Variants in HOXC4 observed in about 807,000 individuals in gnomAD.
The protein encoded by HOXC4 is homeobox protein Hox-C4.
A neutral mutation model predicts 25.5 loss-of-function variants in HOXC4; 15 were observed. That is an observed-to-expected ratio of 0.59 (90% CI 0.39 to 0.91). The LOEUF (loss-of-function observed/expected upper bound fraction) is 0.91. Among genes scored for constraint, HOXC4 ranks in the 40% least tolerant of loss-of-function variants. The probability of loss-of-function intolerance (pLI) is 0.00; values close to 1 mark genes in which losing one functional copy is unlikely to be tolerated. For missense variants in HOXC4, 342 were observed against 352.4 expected (o/e 0.97, Z 0.24); for synonymous variants, 165 against 148.0 (o/e 1.11, Z -0.83).
chr12:54,034,630 C>T, intron 1 of HOXC4: 1 of 719,566 alleles, frequency 1.4e-6, no homozygotes, highest in Non-Finnish European at 2.3e-6. Flanking sequence ...CAGACAAAAG[C>T]GCTTTTCCTT....
intron 1 of HOXC4, among the ~76,000 whole-genome samples, chr12:54,036,020 C>T (rs1192926797): frequency 6.6e-6 from 1 of 152,066 alleles, no homozygotes; most frequent in Non-Finnish European, 1.5e-5. Context: ...GGACAATTAA[C>T]TGGGAAAGGA....
intron 1 of HOXC4, chr12:54,020,973 T>G (rs889150149): frequency 6.6e-6 from 1 of 152,272 alleles, no homozygotes; most frequent in African/African-American, 2.4e-5. Flanking sequence ...TCTGCGGGAT[T>G]CTTTTCACGG....
intron 1 of HOXC4, among the ~76,000 whole-genome samples, chr12:54,036,626 C>T (rs1028121877): frequency 2.0e-4 from 31 of 152,198 alleles, no homozygotes; most frequent in Middle Eastern, 3.2e-3. Flanking sequence ...CAGGTTAGGG[C>T]GCCTGTTGTC....
At position 54,033,440 on chromosome 12, in the gene HOXC4, G is replaced by A. The variant is rs376224435; in HGVS notation, c.-124+16026G>A. 2.5e-6 allele frequency: 4 copies of A among 1,600,932 alleles called. No homozygotes were observed. In the African/African-American group the frequency reaches 4.0e-5, roughly 16 times the overall value. On this transcript the variant is annotated intron_variant, in intron 1 of 3. Coordinates refer to the HOXC4 transcript ENST00000303406. ...TGTACAGTCAGAAGGCGGCTCGCCC[G>A]GCGCTGGAGGAGCGAGCTAAGAGCA... is the stretch of plus-strand genomic sequence containing the variant.
intron 1 of HOXC4, among the ~76,000 whole-genome samples, chr12:54,041,953 G>A (rs553734638): frequency 2.7e-5 from 4 of 150,376 alleles, no homozygotes; most frequent in South Asian, 2.1e-4. Flanking sequence ...GTGAACCACC[G>A]CGCCCAGCCT....
intron 1 of HOXC4, among the ~76,000 whole-genome samples, chr12:54,036,675 GCTCTCTCTCT>G (rs34092231): frequency 1.3e-5 from 2 of 150,400 alleles, no homozygotes. Context: ...CCAGACCAGT[GCTCTCTCTCT>G]CTCTCTCTGA....
At chr12:54,045,929 A>C (rs1475734195) in intron 1 of HOXC4, among the ~76,000 whole-genome samples, 1 of 151,976 alleles carries the variant, frequency 6.6e-6, no homozygotes, top group Non-Finnish European at 1.5e-5. Flanking sequence ...GAAGCTCCCT[A>C]CCTCTCAAGG....
chr12:54,042,805 C>G (rs1941295835), intron 1 of HOXC4, among the ~76,000 whole-genome samples: 1 of 152,216 alleles, frequency 6.6e-6, no homozygotes, highest in South Asian at 2.1e-4. Context: ...CACATCCTTT[C>G]CTACCCCTCC....
upstream of HOXC4, among the ~76,000 whole-genome samples, chr12:54,051,560 A>G (rs558340572): frequency 6.6e-6 from 1 of 152,316 alleles, no homozygotes; most frequent in African/African-American, 2.4e-5. Flanking sequence ...AAGAGTGGGC[A>G]AGGGTTCTCA....
upstream of HOXC4, among the ~76,000 whole-genome samples, chr12:54,049,604 G>A (rs1342568317): frequency 1.3e-5 from 2 of 151,572 alleles, no homozygotes; most frequent in African/African-American, 4.9e-5. Flanking sequence ...GTATTTTCTG[G>A]TGACACATCC....
At chr12:54,033,118 C>T in intron 1 of HOXC4, 1 of 1,594,552 alleles carries the variant, frequency 6.3e-7, no homozygotes, top group Non-Finnish European at 8.6e-7. Flanking sequence ...TGGGCCCTCC[C>T]CGCCATGAGC....
chr12:54,039,365 A>G (rs1941234846), intron 1 of HOXC4, among the ~76,000 whole-genome samples: 1 of 152,128 alleles, frequency 6.6e-6, no homozygotes, highest in Non-Finnish European at 1.5e-5. Context: ...GGAAGGGGGC[A>G]CAGAGGCCCA....
At chr12:54,019,107 C>G (rs1383107895) in intron 1 of HOXC4, among the ~76,000 whole-genome samples, 1 of 137,528 alleles carries the variant, frequency 7.3e-6, no homozygotes, top group Non-Finnish European at 1.5e-5. Context: ...ATTCCCCTTT[C>G]GCAGCCATCA....
At chr12:54,021,528 A>G (rs1940436966) in intron 1 of HOXC4, 1 of 152,204 alleles carries the variant, frequency 6.6e-6, no homozygotes, top group African/African-American at 2.4e-5. Context: ...GGAAAACCCC[A>G]TAAAAGAAAG....
chr12:54,020,097 A>G (rs1352582963), intron 1 of HOXC4: 1 of 152,278 alleles, frequency 6.6e-6, no homozygotes, highest in East Asian at 1.9e-4. Context: ...CAGAAGCACA[A>G]GAGGACCCAC....
intron 1 of HOXC4, 127 bp from the exon 2 acceptor site, chr12:54,054,723 T>A: frequency 1.5e-6 from 1 of 656,766 alleles, no homozygotes; most frequent in Non-Finnish European, 2.7e-6. Flanking sequence ...TATAACCCAT[T>A]TAAGCTTGAT....
At chr12:54,023,032 C>T (rs966040168) in intron 1 of HOXC4, among the ~76,000 whole-genome samples, 1 of 152,188 alleles carries the variant, frequency 6.6e-6, no homozygotes, top group African/African-American at 2.4e-5. Flanking sequence ...CTGGGCCAAG[C>T]AGGGCCACTT....
rs928884229 is a variant in HOXC4, at chr12:54,054,094, C to T, written c.172C>T (p.Pro58Ser). The stretch of plus-strand genomic sequence containing the variant: ...CCAGGAGCTGTACCCACCACCGCCT[C>T]CGCGCCCTAGCTACCCTGAGCGCCA... Reference protein sequence around the residue: ...HHQELYPPPPPRPSYPERQYS... With the variant: ...HHQELYPPPPSRPSYPERQYS... Residue 58 changes from proline to serine, a missense_variant, in exon 1 of 2, where the codon CCG becomes TCG. Pro to Ser is a moderately conservative substitution (Grantham distance 74). Coordinates refer to ENST00000430889, the MANE Select transcript of HOXC4 (RefSeq NM_153633.3). The T allele has an allele frequency of 6.8e-6, 11 of 1,614,120 alleles. No individual in the cohort carries two copies. In the African/African-American group the frequency reaches 1.3e-4, roughly 20 times the overall value.
In HOXC4 at chr12:54,029,918, G is replaced by C. The variant is rs932521351; in HGVS notation, c.-124+12504G>C. On this transcript the variant is annotated intron_variant, in intron 1 of 3. Coordinates refer to the HOXC4 transcript ENST00000303406. ...CACCGCCGACAGCCTGGGCGGAAAA[G>C]AGGAAAAGCGGGAAGAGACAGAAGA... 1.9e-6 allele frequency: 3 copies of C among 1,605,240 alleles called. No individual in the cohort carries two copies. The Admixed American group carries it at 5.1e-5, about 28-fold the overall frequency.
Sources: gnomAD v4.1 joint callset for allele counts (sites outside exome capture counted in the v4.1 genomes callset) on GRCh38, gnomAD v4.1.1 for gene constraint, MANE v1.5 for transcripts, NCBI Gene and HGNC (gene_info 2026-07-23, HGNC 2026-07-21) for gene names.